Variants in TBC1D5 observed in about 807,000 individuals in gnomAD.
TBC1D5 encodes the protein TBC1 domain family, member 5.
Under a neutral mutation model 100.3 loss-of-function variants are expected in TBC1D5, and 75 were observed. The observed-to-expected ratio is 0.75, with a 90% CI of 0.62 to 0.91. TBC1D5 has a LOEUF of 0.91. Among genes scored for constraint, TBC1D5 ranks in the 40% least tolerant of loss-of-function variants. TBC1D5 has a pLI of 0.00. For missense variants in TBC1D5, 910 were observed against 942.4 expected (o/e 0.97, Z 0.45); for synonymous variants, 323 against 325.6 (o/e 0.99, Z 0.09).
At chr3:17,280,664 C>G (rs2080483527) in intron 15 of TBC1D5, among the ~76,000 whole-genome samples, 2 of 152,150 alleles carry the variant, frequency 1.3e-5, no homozygotes, top group African/African-American at 4.8e-5. Context: ...TCTCAGCTCC[C>G]CTTCCCACTG....
chr3:17,357,823 T>C (rs2091354879), intron 13 of TBC1D5, among the ~76,000 whole-genome samples: 2 of 152,182 alleles, frequency 1.3e-5, no homozygotes, highest in Admixed American at 1.3e-4. Context: ...CAGATTTTGG[T>C]TGCAATGAAT....
At chr3:17,234,045 C>T (rs1031559730) in intron 17 of TBC1D5, among the ~76,000 whole-genome samples, 5 of 152,010 alleles carry the variant, frequency 3.3e-5, no homozygotes, top group African/African-American at 1.2e-4. Flanking sequence ...TTTCATGATG[C>T]TACAAATATT....
chr3:17,215,605 A>G lies in TBC1D5; in HGVS notation c.1589-1235T>C, dbSNP rs138794669. On this transcript the variant is annotated intron_variant, in intron 17 of 21. Transcript: ENST00000253692. ...TAGGGGAGAGATGTGAGCTAGAGATATACATTTGGAAGTCAGTACCATAGA... is the reference window on the plus strand; with the variant it reads ...TAGGGGAGAGATGTGAGCTAGAGATGTACATTTGGAAGTCAGTACCATAGA... Among the ~76,000 whole-genome samples, 27 of 152,236 alleles carry G rather than the reference A, an allele frequency of 1.8e-4. No homozygotes were observed. In the East Asian group the frequency reaches 5.2e-3, roughly 29 times the overall value.
intron 1 of TBC1D5, among the ~76,000 whole-genome samples, chr3:17,685,418 A>G (rs2070127806): frequency 6.6e-6 from 1 of 152,060 alleles, no homozygotes; most frequent in Non-Finnish European, 1.5e-5. Flanking sequence ...AATCAAATAA[A>G]TAAATAATGA....
chr3:17,234,892 A>C (rs2075737669), intron 17 of TBC1D5, among the ~76,000 whole-genome samples: 1 of 152,204 alleles, frequency 6.6e-6, no homozygotes, highest in Admixed American at 6.6e-5. Context: ...AACAGTACAC[A>C]CATTTAGTCT....
intron 2 of TBC1D5, among the ~76,000 whole-genome samples, chr3:17,582,669 C>A (rs927136245): frequency 7.0e-6 from 1 of 143,148 alleles, no homozygotes. Context: ...AAAAGTACAA[C>A]TGTAGTATGC....
chr3:17,295,641 C>G (rs977853141), intron 14 of TBC1D5, among the ~76,000 whole-genome samples: 4 of 152,208 alleles, frequency 2.6e-5, no homozygotes, highest in South Asian at 2.1e-4. Flanking sequence ...ACCACACTTA[C>G]AATTGTAATG....
chr3:17,394,923 G>A (rs1297111511), intron 8 of TBC1D5, among the ~76,000 whole-genome samples: 1 of 151,786 alleles, frequency 6.6e-6, no homozygotes. Context: ...TAAACAGGAG[G>A]TGAATACAGA....
At chr3:17,685,966 C>T (rs534005332) in intron 1 of TBC1D5, among the ~76,000 whole-genome samples, 2 of 152,160 alleles carry the variant, frequency 1.3e-5, no homozygotes, top group South Asian at 2.1e-4. Context: ...AATGGGAAGT[C>T]GACATTATTA....
chr3:17,420,719 C>A (rs1238253305), intron 4 of TBC1D5, among the ~76,000 whole-genome samples: 1 of 152,146 alleles, frequency 6.6e-6, no homozygotes, highest in Admixed American at 6.6e-5. Context: ...ATATTACAAA[C>A]AGTGATCCAT....
intron 8 of TBC1D5, among the ~76,000 whole-genome samples, chr3:17,391,189 T>G (rs1259114099): frequency 2.0e-5 from 3 of 152,152 alleles, no homozygotes. Flanking sequence ...ATTTCCCTTC[T>G]GAGGTAATGG....
intron 2 of TBC1D5, among the ~76,000 whole-genome samples, chr3:17,591,955 G>A (rs2060256100): frequency 1.3e-5 from 2 of 152,208 alleles, no homozygotes; most frequent in South Asian, 4.1e-4. Flanking sequence ...ATAGATCTTG[G>A]AGAATGACAG....
intron 4 of TBC1D5, among the ~76,000 whole-genome samples, chr3:17,416,106 A>G (rs1054408202): frequency 1.3e-5 from 2 of 152,234 alleles, no homozygotes; most frequent in African/African-American, 4.8e-5. Flanking sequence ...TGTGTTGACT[A>G]ACAGGGTATT....
intron 2 of TBC1D5, among the ~76,000 whole-genome samples, chr3:17,525,500 T>C (rs2096122496): frequency 6.6e-6 from 1 of 152,206 alleles, no homozygotes; most frequent in Non-Finnish European, 1.5e-5. Context: ...CCTACAATTG[T>C]GAAGCAAAAT....
In TBC1D5 at chr3:17,450,744, CAAACCT is replaced by C. The variant is rs551777880; in HGVS notation, c.98-22231_98-22226del. On this transcript the variant is annotated intron_variant, in intron 3 of 21. Transcript: ENST00000253692. ...GAAATATGCGCCTATGTGAAAAGAC[CAAACCT>C]ACGTTTGATTGGTATACCTGAAAGT... is the stretch of plus-strand genomic sequence containing the variant. Among the ~76,000 whole-genome samples the C allele has an allele frequency of 2.6e-5, 4 of 152,044 alleles. No individual in the cohort carries two copies. The South Asian group carries it at 8.3e-4, about 32-fold the overall frequency.
intron 19 of TBC1D5, among the ~76,000 whole-genome samples, chr3:17,172,864 G>A (rs2067302681): frequency 2.0e-5 from 3 of 152,146 alleles, no homozygotes. Context: ...GCCTTATTTG[G>A]TGGTGGTGAG....
intron 4 of TBC1D5, among the ~76,000 whole-genome samples, chr3:17,409,704 A>G (rs2093871225): frequency 6.6e-6 from 1 of 152,162 alleles, no homozygotes; most frequent in African/African-American, 2.4e-5. Flanking sequence ...TCTGGATAGA[A>G]AATCAAACCA....
At chr3:17,599,811 C>T (rs1272415525) in intron 2 of TBC1D5, among the ~76,000 whole-genome samples, 1 of 152,152 alleles carries the variant, frequency 6.6e-6, no homozygotes, top group Non-Finnish European at 1.5e-5. Context: ...AGCCACACCC[C>T]TGTCTAAAGT....
At chr3:17,319,367 C>CTTAATTCT (rs1362843171) in intron 13 of TBC1D5, among the ~76,000 whole-genome samples, 1 of 151,168 alleles carries the variant, frequency 6.6e-6, no homozygotes, top group Non-Finnish European at 1.5e-5. Flanking sequence ...TTCTCACTTT[C>CTTAATTCT]TTAATTCTTT....
Sources: allele counts gnomAD v4.1 joint callset (sites outside exome capture counted in the v4.1 genomes callset), GRCh38; gene constraint gnomAD v4.1.1; transcripts MANE v1.5; gene names NCBI Gene and HGNC (gene_info 2026-07-23, HGNC 2026-07-21).